DNER: variants seen among roughly 807,000 people sequenced by gnomAD.
The protein encoded by DNER is delta and Notch-like epidermal growth factor-related receptor.
In DNER, 33 loss-of-function variants were observed where a neutral mutation model predicts 78.2. The ratio of observed to expected loss-of-function variants is 0.42; its 90% CI spans 0.32 to 0.56. The LOEUF is 0.56. Ranked by LOEUF, DNER falls within the 20% of genes least tolerant of loss-of-function variation. DNER has a pLI of 0.11. For missense variants in DNER, 918 were observed against 975.3 expected (o/e 0.94, Z 0.78); for synonymous variants, 417 against 384.8 (o/e 1.08, Z -0.98).
intron 1 of DNER, among the ~76,000 whole-genome samples, chr2:229,668,578 A>G (rs1455702881): frequency 7.3e-6 from 1 of 136,806 alleles, no homozygotes; most frequent in African/African-American, 2.8e-5. Context: ...ATATATATAT[A>G]TAAAAGAAGA....
intron 1 of DNER, among the ~76,000 whole-genome samples, chr2:229,603,743 G>T (rs1244802312): frequency 1.3e-5 from 2 of 150,884 alleles, no homozygotes; most frequent in Admixed American, 6.6e-5. Context: ...TTTTGGGGGG[G>T]TGCTTTTCTG....
At chr2:229,706,413 AT>A in intron 1 of DNER, among the ~76,000 whole-genome samples, 1 of 151,138 alleles carries the variant, frequency 6.6e-6, no homozygotes, top group African/African-American at 2.4e-5. Flanking sequence ...AAAAAAAAAA[AT>A]TAGCCGAATG....
At chr2:229,555,400 C>A (rs1244087420) in intron 4 of DNER, among the ~76,000 whole-genome samples, 1 of 152,152 alleles carries the variant, frequency 6.6e-6, no homozygotes, top group Admixed American at 6.5e-5. Flanking sequence ...TTCCACAATG[C>A]CCCCTTTGTC....
intron 10 of DNER, among the ~76,000 whole-genome samples, chr2:229,388,806 A>G (rs761812534): frequency 4.0e-5 from 6 of 151,474 alleles, no homozygotes; most frequent in Non-Finnish European, 5.9e-5. Context: ...AGTCTATTTT[A>G]TTTTGGATTT....
intron 8 of DNER, among the ~76,000 whole-genome samples, chr2:229,438,506 T>C (rs1003487746): frequency 6.6e-6 from 1 of 152,138 alleles, no homozygotes; most frequent in African/African-American, 2.4e-5. Flanking sequence ...AATAAAAGAA[T>C]AGGAATACTC....
intron 9 of DNER, 22 bp from the exon 10 acceptor site, chr2:229,407,367 A>T: frequency 6.2e-7 from 1 of 1,604,982 alleles, no homozygotes; most frequent in Non-Finnish European, 8.5e-7. Flanking sequence ...CAAGCAAAAC[A>T]GGATGACTCA....
At chr2:229,470,495 T>A (rs1008391407) in intron 7 of DNER, among the ~76,000 whole-genome samples, 2 of 151,862 alleles carry the variant, frequency 1.3e-5, no homozygotes, top group Non-Finnish European at 2.9e-5. Flanking sequence ...ATGCAAAAAA[T>A]AATAATAATA....
At chr2:229,405,633 A>G (rs1259316759) in intron 10 of DNER, among the ~76,000 whole-genome samples, 1 of 152,202 alleles carries the variant, frequency 6.6e-6, no homozygotes, top group Non-Finnish European at 1.5e-5. Context: ...TTTTTAAGTA[A>G]AAAGTAAATT....
At chr2:229,476,275 A>T (rs1372235806) in intron 7 of DNER, among the ~76,000 whole-genome samples, 1 of 152,184 alleles carries the variant, frequency 6.6e-6, no homozygotes, top group African/African-American at 2.4e-5. Flanking sequence ...TCACATGGGC[A>T]GCTCCTGGAG....
intron 3 of DNER, 24 bp downstream of exon 3, chr2:229,588,370 G>A (rs184448796): frequency 1.2e-6 from 2 of 1,610,010 alleles, no homozygotes; most frequent in Admixed American, 3.3e-5. Context: ...ACTCTTAACA[G>A]TTTGTAACTC....
At chr2:229,611,502 A>G (rs773083930) in intron 1 of DNER, among the ~76,000 whole-genome samples, 23 of 152,246 alleles carry the variant, frequency 1.5e-4, no homozygotes, top group Non-Finnish European at 3.1e-4. Context: ...AGAAATCTCA[A>G]TAATCAGTCC....
intron 4 of DNER, among the ~76,000 whole-genome samples, chr2:229,551,259 C>T (rs1263705289): frequency 6.6e-6 from 1 of 152,172 alleles, no homozygotes; most frequent in Non-Finnish European, 1.5e-5. Flanking sequence ...AAAATGATAT[C>T]ACAAATATCT....
At chr2:229,541,272 C>T (rs888585102) in intron 5 of DNER, among the ~76,000 whole-genome samples, 4 of 152,012 alleles carry the variant, frequency 2.6e-5, no homozygotes, top group Admixed American at 6.6e-5. Flanking sequence ...GAAAACCTAA[C>T]GTTGGGGGAA....
At chr2:229,464,156 G>C (rs1011227903) in intron 7 of DNER, among the ~76,000 whole-genome samples, 1 of 152,186 alleles carries the variant, frequency 6.6e-6, no homozygotes, top group African/African-American at 2.4e-5. Flanking sequence ...GTTTTGGCCA[G>C]TGTGTATGGA....
chr2:229,668,528 GTGTGTGTGTATA>G (rs1177893960), intron 1 of DNER, among the ~76,000 whole-genome samples: 241 of 49,452 alleles, frequency 4.9e-3, no homozygotes, highest in South Asian at 7.4e-3. Flanking sequence ...GTGTGTGTGT[GTGTGTGTGTATA>G]TATATATATA....
At chr2:229,670,359 T>A (rs1011686573) in intron 1 of DNER, among the ~76,000 whole-genome samples, 4 of 152,222 alleles carry the variant, frequency 2.6e-5, no homozygotes, top group Admixed American at 1.3e-4. Context: ...CTGCGTGTGA[T>A]GCTGCTGTGA....
At chr2:229,643,741 T>C (rs1326630327) in intron 1 of DNER, among the ~76,000 whole-genome samples, 3 of 152,260 alleles carry the variant, frequency 2.0e-5, no homozygotes, top group South Asian at 2.1e-4. Flanking sequence ...TGTTGACTTA[T>C]GTTATCACAA....
At chr2:229,505,442 A>G (rs1695718934) in intron 6 of DNER, among the ~76,000 whole-genome samples, 1 of 152,162 alleles carries the variant, frequency 6.6e-6, no homozygotes, top group Non-Finnish European at 1.5e-5. Flanking sequence ...CTAAAGCATA[A>G]AAAAGAGTAG....
intron 1 of DNER, among the ~76,000 whole-genome samples, chr2:229,664,851 G>A (rs961542705): frequency 2.6e-5 from 4 of 152,136 alleles, no homozygotes; most frequent in Non-Finnish European, 4.4e-5. Context: ...TCAGAACACT[G>A]GCCTGAGGCC....
Sources: gnomAD v4.1 joint callset for allele counts (sites outside exome capture counted in the v4.1 genomes callset) on GRCh38, gnomAD v4.1.1 for gene constraint, MANE v1.5 for transcripts, NCBI Gene and HGNC (gene_info 2026-07-23, HGNC 2026-07-21) for gene names.